Variants in LRRC4C observed in about 807,000 individuals in gnomAD.
The protein encoded by LRRC4C is leucine-rich repeat-containing protein 4C.
Under a neutral mutation model 33.6 loss-of-function variants are expected in LRRC4C, and 5 were observed. The ratio of observed to expected loss-of-function variants is 0.15; its 90% CI spans 0.08 to 0.31. LRRC4C has a LOEUF of 0.31. Ranked by LOEUF, LRRC4C falls within the 10% of genes least tolerant of loss-of-function variation. LRRC4C has a pLI of 1.00. For missense variants in LRRC4C, 560 were observed against 796.7 expected (o/e 0.70, Z 3.58); for synonymous variants, 329 against 302.0 (o/e 1.09, Z -0.93).
At chr11:41,303,884 C>T (rs1482836394) in intron 1 of LRRC4C, among the ~76,000 whole-genome samples, 4 of 66,808 alleles carry the variant, frequency 6.0e-5, no homozygotes, top group Non-Finnish European at 9.7e-5. Context: ...GGAGCCCCTC[C>T]GCCCAGCAGC....
At chr11:40,285,882 C>T (rs973874652) in intron 4 of LRRC4C, among the ~76,000 whole-genome samples, 1 of 152,156 alleles carries the variant, frequency 6.6e-6, no homozygotes, top group African/African-American at 2.4e-5. Context: ...TACGCAGTTC[C>T]TATTCCCAGC....
At chr11:40,665,325 A>AATATATATATATATAT (rs1160594156) in intron 2 of LRRC4C, among the ~76,000 whole-genome samples, 1 of 13,444 alleles carries the variant, frequency 7.4e-5, no homozygotes, top group South Asian at 2.8e-3. Flanking sequence ...AAAAAAAAAA[A>AATATATATATATATAT]ATATATATAT....
At chr11:40,768,024 A>T (rs995056007) in intron 2 of LRRC4C, among the ~76,000 whole-genome samples, 1 of 152,054 alleles carries the variant, frequency 6.6e-6, no homozygotes, top group Non-Finnish European at 1.5e-5. Context: ...ACAAAATATA[A>T]ACAAAATAAA....
At chr11:40,415,997 CA>C (rs1950311922) in intron 3 of LRRC4C, among the ~76,000 whole-genome samples, 1 of 151,998 alleles carries the variant, frequency 6.6e-6, no homozygotes. Flanking sequence ...GTGTACTATG[CA>C]ATATAAAGAT....
intron 1 of LRRC4C, among the ~76,000 whole-genome samples, chr11:41,147,763 G>A (rs1013447738): frequency 1.3e-5 from 2 of 152,030 alleles, no homozygotes; most frequent in Admixed American, 6.6e-5. Flanking sequence ...TATCAAAGAA[G>A]ATATGCAGAT....
chr11:40,189,651 T>G lies in LRRC4C; in HGVS notation c.-95-48798A>C, dbSNP rs181998180. Among the ~76,000 whole-genome samples, 464 of 152,272 alleles carry G rather than the reference T, an allele frequency of 3.0e-3. 4 individuals carry two copies. The highest frequency in any genetic ancestry group is 4.9e-3 in the Non-Finnish European group (332 of 68,024). On this transcript the variant is annotated intron_variant, in intron 5 of 6. Coordinates refer to ENST00000528697, the MANE Select transcript of LRRC4C (RefSeq NM_001258419.2). ...AGACACTGGCTAAAAGATCAAACCA[T>G]AACATAAAAAGAGATGATGAATGTA...
chr11:41,030,507 G>A (rs536348812), intron 1 of LRRC4C, among the ~76,000 whole-genome samples: 1 of 151,712 alleles, frequency 6.6e-6, no homozygotes, highest in Non-Finnish European at 1.5e-5. Context: ...CAACACCAGA[G>A]ACCTTGTGTA....
rs1469658177 is a variant in LRRC4C, at chr11:40,173,774, T to C, written c.-95-32921A>G. The stretch of plus-strand genomic sequence containing the variant: ...TAGTAAAAATAGTACATAGTTTCTG[T>C]CTCTGGCTCTATACAGGTGTCATGA... On this transcript the variant is annotated intron_variant, in intron 5 of 6. Coordinates refer to ENST00000528697, the MANE Select transcript of LRRC4C (RefSeq NM_001258419.2). Among the ~76,000 whole-genome samples the C allele has an allele frequency of 2.6e-5, 4 of 152,340 alleles. 1 individual carries two copies. The highest frequency in any genetic ancestry group is 4.1e-4 in the South Asian group (2 of 4,828).
Position 40,350,772 on chromosome 11 carries a change from A to G in LRRC4C, c.-269-31051T>C, listed in dbSNP as rs570960125. Among the ~76,000 whole-genome samples, 7 of 152,108 alleles carry G rather than the reference A, an allele frequency of 4.6e-5. 1 individual carries two copies. In the East Asian group the frequency reaches 7.7e-4, roughly 17 times the overall value. ...TTTTGTGTTCTCTTCAAGTTCGTGC[A>G]TTAATGTTTTACAGTTCTCATTGTA... On this transcript the variant is annotated intron_variant, in intron 3 of 6. Coordinates refer to ENST00000528697, the MANE Select transcript of LRRC4C (RefSeq NM_001258419.2).
At chr11:41,020,135 T>C (rs1855860100) in intron 1 of LRRC4C, among the ~76,000 whole-genome samples, 1 of 152,178 alleles carries the variant, frequency 6.6e-6, no homozygotes, top group Non-Finnish European at 1.5e-5. Flanking sequence ...GATTGATTTT[T>C]CCCCTAATGG....
At chr11:41,347,330 A>T (rs1951836398) in intron 1 of LRRC4C, among the ~76,000 whole-genome samples, 1 of 152,190 alleles carries the variant, frequency 6.6e-6, no homozygotes, top group Non-Finnish European at 1.5e-5. Context: ...TTGCTAAGTT[A>T]ATACAGGCAT....
intron 2 of LRRC4C, among the ~76,000 whole-genome samples, chr11:40,911,309 C>T (rs1052760331): frequency 3.3e-5 from 5 of 152,186 alleles, no homozygotes; most frequent in African/African-American, 1.2e-4. Flanking sequence ...TAGGGGCAGA[C>T]TGACACCTCA....
chr11:41,382,791 C>G lies in LRRC4C; in HGVS notation c.-496+76640G>C, dbSNP rs148313130. Reference sequence around the variant, plus strand: ...TAGTAGAAAGGAGAGCTTTGGGCAACATAGGTTTGCAAGCTGGATAGAGGA... The same window carrying G: ...TAGTAGAAAGGAGAGCTTTGGGCAAGATAGGTTTGCAAGCTGGATAGAGGA... On this transcript the variant is annotated intron_variant, in intron 1 of 6. Coordinates refer to ENST00000528697, the MANE Select transcript of LRRC4C (RefSeq NM_001258419.2). 5.2e-3 allele frequency among the ~76,000 whole-genome samples: 790 copies of G among 152,160 alleles called. 5 individuals carry two copies. The highest frequency in any genetic ancestry group is 0.017 in the African/African-American group (706 of 41,536).
At chr11:40,312,903 C>G (rs552889306) in intron 4 of LRRC4C, among the ~76,000 whole-genome samples, 1 of 152,252 alleles carries the variant, frequency 6.6e-6, no homozygotes, top group African/African-American at 2.4e-5. Context: ...CATCTTGATA[C>G]CTTCACTGAC....
chr11:41,435,102 C>G (rs935119806), intron 1 of LRRC4C, among the ~76,000 whole-genome samples: 2 of 152,158 alleles, frequency 1.3e-5, no homozygotes, highest in African/African-American at 4.8e-5. Context: ...AAGGTCCTTA[C>G]TCCTGGATTT....
intron 2 of LRRC4C, among the ~76,000 whole-genome samples, chr11:40,884,764 T>TA (rs923238231): frequency 1.3e-5 from 2 of 152,038 alleles, no homozygotes; most frequent in Non-Finnish European, 2.9e-5. Flanking sequence ...TTTATTTTCC[T>TA]AAAAAAAGTG....
intron 3 of LRRC4C, among the ~76,000 whole-genome samples, chr11:40,616,090 G>T (rs996042320): frequency 6.6e-6 from 1 of 152,068 alleles, no homozygotes; most frequent in African/African-American, 2.4e-5. Context: ...CCATCAAAAA[G>T]TGGCTGAAGG....
chr11:41,017,416 G>T (rs1388893028), intron 1 of LRRC4C, among the ~76,000 whole-genome samples: 2 of 152,106 alleles, frequency 1.3e-5, no homozygotes, highest in African/African-American at 2.4e-5. Flanking sequence ...CTACAAAATT[G>T]CAATGCTGAG....
At chr11:41,124,362 AC>A (rs1942631434) in intron 1 of LRRC4C, among the ~76,000 whole-genome samples, 1 of 152,216 alleles carries the variant, frequency 6.6e-6, no homozygotes. Flanking sequence ...TATCCCAAGT[AC>A]TTTTCAGTAA....
Sources: gnomAD v4.1 joint callset for allele counts (sites outside exome capture counted in the v4.1 genomes callset) on GRCh38, gnomAD v4.1.1 for gene constraint, MANE v1.5 for transcripts, NCBI Gene and HGNC (gene_info 2026-07-23, HGNC 2026-07-21) for gene names.